The following MOXD1 variants were observed in gnomAD, a reference collection of about 807,000 sequenced individuals.
The protein encoded by MOXD1 is DBH-like monooxygenase protein 1.
A neutral mutation model predicts 66.6 loss-of-function variants in MOXD1; 62 were observed. The observed-to-expected ratio is 0.93, with a 90% CI of 0.76 to 1.15. MOXD1 has a LOEUF of 1.15. MOXD1 is among the 50% of genes most tolerant of loss of function. The probability of loss-of-function intolerance (pLI) is 0.00; values close to 1 mark genes in which losing one functional copy is unlikely to be tolerated. For synonymous variants in MOXD1, 303 were observed against 281.9 expected (o/e 1.07, Z -0.75); for missense variants, 847 against 754.6 (o/e 1.12, Z -1.44).
At chr6:132,352,630 G>A (rs973744415) in intron 4 of MOXD1, among the ~76,000 whole-genome samples, 2 of 152,126 alleles carry the variant, frequency 1.3e-5, no homozygotes, top group Admixed American at 1.3e-4. Flanking sequence ...GAAATGTTCT[G>A]TATATATCTG....
chr6:132,378,990 T>C (rs1776454317), intron 1 of MOXD1, among the ~76,000 whole-genome samples: 1 of 142,214 alleles, frequency 7.0e-6, no homozygotes, highest in African/African-American at 2.6e-5. Flanking sequence ...CTCAGTTTAC[T>C]GCAACCTCCG....
intron 4 of MOXD1, among the ~76,000 whole-genome samples, chr6:132,343,500 A>T (rs928372546): frequency 6.6e-6 from 1 of 152,142 alleles, no homozygotes; most frequent in Non-Finnish European, 1.5e-5. Flanking sequence ...ACTTGAACCC[A>T]GAAGGCAGAG....
intron 4 of MOXD1, among the ~76,000 whole-genome samples, chr6:132,353,618 C>T (rs1406272926): frequency 1.3e-5 from 2 of 152,152 alleles, no homozygotes; most frequent in African/African-American, 4.8e-5. Flanking sequence ...TTAACTTCAT[C>T]ATAACCTGAT....
intron 1 of MOXD1, among the ~76,000 whole-genome samples, chr6:132,393,730 CT>C (rs994961046): frequency 1.3e-5 from 2 of 152,204 alleles, no homozygotes; most frequent in African/African-American, 2.4e-5. Flanking sequence ...TGTGTTCTGC[CT>C]GGGGGCCCAA....
chr6:132,329,058 G>C (rs1003163711), intron 4 of MOXD1, among the ~76,000 whole-genome samples: 1 of 152,004 alleles, frequency 6.6e-6, no homozygotes, highest in Non-Finnish European at 1.5e-5. Flanking sequence ...TTGGTTTGCT[G>C]CACCCATTAA....
At chr6:132,371,878 T>C (rs1043474259) in intron 4 of MOXD1, among the ~76,000 whole-genome samples, 4 of 152,200 alleles carry the variant, frequency 2.6e-5, no homozygotes, top group African/African-American at 9.7e-5. Flanking sequence ...TTTAATTCTA[T>C]CTTATTCTTT....
At chr6:132,328,967 A>T (rs1206935145) in intron 4 of MOXD1, among the ~76,000 whole-genome samples, 1 of 151,592 alleles carries the variant, frequency 6.6e-6, no homozygotes, top group Middle Eastern at 3.4e-3. Flanking sequence ...ACTTTTTTTT[A>T]AATTTTTATT....
chr6:132,328,503 T>A lies in MOXD1; in HGVS notation c.755A>T (p.Glu252Val). 1 of 1,614,100 alleles carries A rather than the reference T, an allele frequency of 6.2e-7. No individual in the cohort carries two copies. Among genetic ancestry groups the A allele is most frequent in the East Asian group, 2.2e-5 (1 of 44,876 alleles). ...CSNNFNDSVLESGHECYHPNM... is the reference protein window; with the variant it reads ...CSNNFNDSVLVSGHECYHPNM... ...GGGGTGATAGCACTCGTGGCCGGAC[T>A]CCAGAACGCTGTCGTTAAAGTTGTT... The change falls in exon 5 of 12, where the codon GAG becomes GTG. Residue 252 changes from glutamate (E) to valine (V), a missense_variant. Physicochemically the swap from Glu to Val is moderately radical, Grantham distance 121. Coordinates refer to ENST00000367963, the MANE Select transcript of MOXD1 (RefSeq NM_015529.4).
chr6:132,366,322 G>A (rs1235432745), intron 4 of MOXD1, among the ~76,000 whole-genome samples: 1 of 152,056 alleles, frequency 6.6e-6, no homozygotes. Context: ...TCTAGAGTTG[G>A]AATGGATATG....
Position 132,359,579 on chromosome 6 carries a change from C to T in MOXD1, c.663+13029G>A, listed in dbSNP as rs1021541118. Among the ~76,000 whole-genome samples, 263 of 151,496 alleles carry T rather than the reference C, an allele frequency of 1.7e-3. 1 individual carries two copies. Among genetic ancestry groups the T allele is most frequent in the African/African-American group, 6.1e-3 (250 of 41,308 alleles). ...TCGGCTCACTGCAAGCTCCGCCTCC[C>T]GGGTTCACACCATTCTCCTGCCTCA... On this transcript the variant is annotated intron_variant, in intron 4 of 11. Transcript: ENST00000367963.
chr6:132,334,484 A>G (rs527775591), intron 4 of MOXD1, among the ~76,000 whole-genome samples: 1 of 152,322 alleles, frequency 6.6e-6, no homozygotes, highest in African/African-American at 2.4e-5. Context: ...CACTCCTGTC[A>G]TCTGCTCCTT....
At chr6:132,303,393 T>C (rs759703876) in intron 10 of MOXD1, among the ~76,000 whole-genome samples, 5 of 151,998 alleles carry the variant, frequency 3.3e-5, no homozygotes, top group African/African-American at 7.2e-5. Context: ...TTGGTATCCA[T>C]GGGGGACTGA....
intron 10 of MOXD1, among the ~76,000 whole-genome samples, chr6:132,298,519 A>G (rs1333711137): frequency 6.6e-6 from 1 of 152,190 alleles, no homozygotes; most frequent in African/African-American, 2.4e-5. Context: ...CATACACTAT[A>G]AAAGCCTGAC....
rs373772503 is a variant in MOXD1 at position 132,372,830 on chromosome 6, G to A, written c.579C>T (p.Asp193=). 55 of 1,613,338 alleles carry A rather than the reference G, an allele frequency of 3.4e-5. 1 individual carries two copies. The highest frequency in any genetic ancestry group is 4.5e-5 in the East Asian group (2 of 44,868). Residue 193 remains aspartate, a splice_region_variant and synonymous_variant, in exon 3 of 12, where the codon GAC becomes GAT. Coordinates refer to ENST00000367963, the MANE Select transcript of MOXD1 (RefSeq NM_015529.4). ...ALPYFDLVNQ[D]VPIPNKDTTY... ...AATCATAAAACCTGAAAACACTTAC[G>A]TCCTGATTTACCAGATCAAAGTATG...
intron 6 of MOXD1, among the ~76,000 whole-genome samples, chr6:132,324,555 A>T (rs998702705): frequency 6.6e-6 from 1 of 152,238 alleles, no homozygotes; most frequent in African/African-American, 2.4e-5. Flanking sequence ...GAAGAAAAAA[A>T]CTACTAAAGA....
intron 1 of MOXD1, among the ~76,000 whole-genome samples, chr6:132,378,246 A>T (rs1194548003): frequency 6.6e-6 from 1 of 152,186 alleles, no homozygotes; most frequent in Non-Finnish European, 1.5e-5. Context: ...ATTATTTAAC[A>T]TGTTTACTTC....
intron 4 of MOXD1, among the ~76,000 whole-genome samples, chr6:132,352,172 G>T (rs1169375862): frequency 6.6e-6 from 1 of 151,924 alleles, no homozygotes; most frequent in Non-Finnish European, 1.5e-5. Flanking sequence ...TCTTCTGCTG[G>T]GTTTCGGTTT....
In MOXD1 at chr6:132,305,977, C is replaced by T. The variant is rs574476163; in HGVS notation, c.1509-8022G>A. Among the ~76,000 whole-genome samples the T allele has an allele frequency of 2.2e-4, 33 of 152,176 alleles. No individual in the cohort carries two copies. The Middle Eastern group carries it at 0.01, about 47-fold the overall frequency. On this transcript the variant is annotated intron_variant, in intron 10 of 11. Coordinates refer to ENST00000367963, the MANE Select transcript of MOXD1 (RefSeq NM_015529.4). ...CTTCTCCTCCAAATGATTGCAACAT[C>T]GCTCCATCAAGGGTGCAGAACTAGA...
At chr6:132,300,990 GA>G in intron 10 of MOXD1, among the ~76,000 whole-genome samples, 1 of 152,182 alleles carries the variant, frequency 6.6e-6, no homozygotes, top group East Asian at 1.9e-4. Context: ...AGAGCAGACA[GA>G]AAAAGTGAAT....
Sources: allele counts gnomAD v4.1 joint callset (sites outside exome capture counted in the v4.1 genomes callset), GRCh38; gene constraint gnomAD v4.1.1; transcripts MANE v1.5; gene names NCBI Gene and HGNC (gene_info 2026-07-23, HGNC 2026-07-21).